PCDH15: variants seen among roughly 807,000 people sequenced by gnomAD.
The protein encoded by PCDH15 is protocadherin related 15.
PCDH15 carries 129 observed loss-of-function variants against 178.5 expected under a neutral mutation model. The ratio of observed to expected loss-of-function variants is 0.72; its 90% CI spans 0.63 to 0.84. The LOEUF (loss-of-function observed/expected upper bound fraction) is 0.84, where lower values mean the gene tolerates loss of function less well. Among genes scored for constraint, PCDH15 ranks in the 40% least tolerant of loss-of-function variants. PCDH15 has a pLI of 0.00. For synonymous variants in PCDH15, 800 were observed against 732.0 expected (o/e 1.09, Z -1.50); for missense variants, 2,230 against 2,099.9 (o/e 1.06, Z -1.21).
intron 18 of PCDH15, among the ~76,000 whole-genome samples, chr10:54,032,965 C>T (rs1263285826): frequency 6.6e-6 from 1 of 151,820 alleles, no homozygotes; most frequent in Non-Finnish European, 1.5e-5. Flanking sequence ...AGAACTCACT[C>T]ACTGTCATAA....
intron 21 of PCDH15, among the ~76,000 whole-genome samples, chr10:53,978,238 C>T (rs1468761930): frequency 1.3e-5 from 2 of 152,200 alleles, no homozygotes; most frequent in Non-Finnish European, 2.9e-5. Context: ...CAGCACACCT[C>T]TGCCTGGACA....
intron 3 of PCDH15, among the ~76,000 whole-genome samples, chr10:54,868,529 A>G (rs11004610): frequency 0.39 from 59,936 of 151,908 alleles, 13,089 homozygotes; most frequent in East Asian, 0.75. Context: ...TAGGTGCTTC[A>G]TCAGATCACA....
intron 1 of PCDH15, among the ~76,000 whole-genome samples, chr10:55,231,614 T>TTTAATTC: frequency 2.0e-5 from 3 of 152,046 alleles, no homozygotes; most frequent in African/African-American, 7.2e-5. Flanking sequence ...TAGGAAATTA[T>TTTAATTC]TGTAAGCTTT....
At chr10:54,703,103 C>T (rs200423990) in intron 1 of PCDH15, among the ~76,000 whole-genome samples, 1 of 152,064 alleles carries the variant, frequency 6.6e-6, no homozygotes, top group Non-Finnish European at 1.5e-5. Context: ...TGATTCACCA[C>T]ATCAACATAA....
intron 2 of PCDH15, among the ~76,000 whole-genome samples, chr10:55,333,824 TA>T (rs1318502923): frequency 6.6e-6 from 1 of 151,750 alleles, no homozygotes; most frequent in Non-Finnish European, 1.5e-5. Flanking sequence ...AAAGAAAACA[TA>T]AAAGGAAACT....
At chr10:55,059,701 C>T (rs1014514692) in intron 2 of PCDH15, among the ~76,000 whole-genome samples, 1 of 152,016 alleles carries the variant, frequency 6.6e-6, no homozygotes, top group Non-Finnish European at 1.5e-5. Flanking sequence ...ACATTACTGA[C>T]ATTAATCTAT....
intron 9 of PCDH15, among the ~76,000 whole-genome samples, chr10:54,218,072 A>T (rs1209143022): frequency 6.6e-6 from 1 of 152,220 alleles, no homozygotes; most frequent in Non-Finnish European, 1.5e-5. Context: ...CATGCTAGAG[A>T]AATATTTTGT....
chr10:54,980,054 G>T (rs191515651), intron 2 of PCDH15, among the ~76,000 whole-genome samples: 25 of 152,178 alleles, frequency 1.6e-4, no homozygotes, highest in Admixed American at 1.4e-3. Context: ...GCAATGATTG[G>T]TGGCCATCCA....
At chr10:55,220,387 A>G (rs1840836188) in intron 1 of PCDH15, among the ~76,000 whole-genome samples, 1 of 152,080 alleles carries the variant, frequency 6.6e-6, no homozygotes, top group South Asian at 2.1e-4. Flanking sequence ...TTTAAAAAAT[A>G]GCTAATTGCC....
chr10:54,403,594 G>A (rs1055276732), intron 3 of PCDH15, among the ~76,000 whole-genome samples: 4 of 151,930 alleles, frequency 2.6e-5, no homozygotes, highest in Non-Finnish European at 5.9e-5. Flanking sequence ...TCTGGCCAGA[G>A]CACTCAGGCA....
intron 3 of PCDH15, among the ~76,000 whole-genome samples, chr10:54,460,529 C>G (rs1475715381): frequency 6.6e-6 from 1 of 151,880 alleles, no homozygotes; most frequent in African/African-American, 2.4e-5. Flanking sequence ...AACAGGGCAC[C>G]AAACACCAAG....
intron 2 of PCDH15, among the ~76,000 whole-genome samples, chr10:55,396,073 A>G (rs943938872): frequency 6.6e-6 from 1 of 152,194 alleles, no homozygotes; most frequent in Non-Finnish European, 1.5e-5. Context: ...GATAAAAAAT[A>G]GAATAAAATT....
intron 2 of PCDH15, among the ~76,000 whole-genome samples, chr10:55,384,452 A>G (rs903185470): frequency 6.6e-6 from 1 of 152,180 alleles, no homozygotes; most frequent in African/African-American, 2.4e-5. Context: ...TGTTATGATA[A>G]GAAGAAATTC....
At chr10:55,542,455 T>C (rs1841786528) in intron 2 of PCDH15, among the ~76,000 whole-genome samples, 1 of 150,956 alleles carries the variant, frequency 6.6e-6, no homozygotes, top group South Asian at 2.1e-4. Flanking sequence ...TATATGTATT[T>C]AATACGTATT....
chr10:55,035,560 C>T (rs1352894577), intron 2 of PCDH15, among the ~76,000 whole-genome samples: 2 of 152,122 alleles, frequency 1.3e-5, no homozygotes, highest in African/African-American at 2.4e-5. Flanking sequence ...ATAAAGTTAA[C>T]TATTCATGGT....
At chr10:54,252,059 C>T (rs1050362391) in intron 8 of PCDH15, among the ~76,000 whole-genome samples, 2 of 152,160 alleles carry the variant, frequency 1.3e-5, no homozygotes, top group Non-Finnish European at 2.9e-5. Context: ...GTGTATTAAG[C>T]GATGATCACT....
intron 6 of PCDH15, among the ~76,000 whole-genome samples, chr10:54,331,348 T>C (rs1311532525): frequency 6.6e-6 from 1 of 151,958 alleles, no homozygotes; most frequent in Non-Finnish European, 1.5e-5. Context: ...TTAATATATA[T>C]TTTTAAATGA....
At position 54,675,956 on chromosome 10, in the gene PCDH15, T is replaced by C. The variant is rs115823913; in HGVS notation, c.-28-11666A>G. ...ATTTGTTCTTGTCAAATCTGTATTA[T>C]ATATGAAATTTAGTTTTAACACTTA... On this transcript the variant is annotated intron_variant, in intron 1 of 37. Coordinates refer to ENST00000644397, the MANE Select transcript of PCDH15 (RefSeq NM_001384140.1). Among the ~76,000 whole-genome samples the C allele has an allele frequency of 1.4e-3, 208 of 152,314 alleles. 3 individuals are homozygous for C. The highest frequency in any genetic ancestry group is 4.8e-3 in the African/African-American group (200 of 41,596).
chr10:53,934,395 A>G (rs1006503464), intron 25 of PCDH15, among the ~76,000 whole-genome samples: 2 of 152,070 alleles, frequency 1.3e-5, no homozygotes, highest in Non-Finnish European at 2.9e-5. Context: ...ACATTCTACC[A>G]TACATCTTAC....
Sources: gnomAD v4.1 joint callset for allele counts (sites outside exome capture counted in the v4.1 genomes callset) on GRCh38, gnomAD v4.1.1 for gene constraint, MANE v1.5 for transcripts, NCBI Gene and HGNC (gene_info 2026-07-23, HGNC 2026-07-21) for gene names.